Variants in NVL observed in about 807,000 individuals in gnomAD.
NVL encodes the protein nuclear valosin-containing protein-like.
A neutral mutation model predicts 110.2 loss-of-function variants in NVL; 84 were observed. The ratio of observed to expected loss-of-function variants is 0.76; its 90% CI spans 0.64 to 0.91. The LOEUF (loss-of-function observed/expected upper bound fraction) is 0.91. Ranked by LOEUF, NVL falls within the 40% of genes least tolerant of loss-of-function variation. The probability of loss-of-function intolerance (pLI) is 0.00; values close to 1 mark genes in which losing one functional copy is unlikely to be tolerated. For missense variants in NVL, 882 were observed against 1,035.9 expected (o/e 0.85, Z 2.04); for synonymous variants, 354 against 361.1 (o/e 0.98, Z 0.22).
intron 18 of NVL, among the ~76,000 whole-genome samples, chr1:224,253,192 G>A (rs1225030090): frequency 6.6e-6 from 1 of 151,514 alleles, no homozygotes; most frequent in African/African-American, 2.4e-5. Context: ...TTACAAGTGT[G>A]CCCCCCTGCC....
chr1:224,312,819 T>TA (rs35580031), intron 4 of NVL: 1,029 of 65,050 alleles, frequency 0.016, 8 homozygotes, highest in African/African-American at 0.041. Context: ...AGACTCTGCC[T>TA]AAAAAAAAAA....
At chr1:224,299,487 T>C (rs1040303503) in intron 10 of NVL, among the ~76,000 whole-genome samples, 4 of 152,168 alleles carry the variant, frequency 2.6e-5, no homozygotes, top group African/African-American at 7.2e-5. Context: ...AGGCCACATA[T>C]TTACTGAGCA....
At chr1:224,304,632 C>A in intron 8 of NVL, 104 bp downstream of exon 8, 2 of 982,330 alleles carry the variant, frequency 2.0e-6, no homozygotes, top group South Asian at 1.5e-5. Flanking sequence ...TTCCCAGTTT[C>A]CTTTTCTACA....
chr1:224,330,131 G>C lies in NVL; in HGVS notation c.-4C>G, dbSNP rs1345428705. 8 of 1,613,936 alleles carry C rather than the reference G, an allele frequency of 5.0e-6. No individual in the cohort carries two copies. The highest frequency in any genetic ancestry group is 6.8e-6 in the Non-Finnish European group (8 of 1,179,876). On this transcript the variant is annotated 5_prime_UTR_variant, in exon 1 of 23. Coordinates refer to ENST00000281701, the MANE Select transcript of NVL (RefSeq NM_002533.4). The stretch of plus-strand genomic sequence containing the variant: ...ACCCTGCAGGTCTGGGCTTCATCGC[G>C]TCGGTCTTCCAAGCCACAGCTCGGA...
intron 5 of NVL, among the ~76,000 whole-genome samples, chr1:224,309,831 C>A (rs992111179): frequency 1.3e-5 from 2 of 152,288 alleles, no homozygotes; most frequent in East Asian, 1.9e-4. Context: ...GAGTTCAAGA[C>A]CAGCCTGGCC....
chr1:224,303,898 C>A, intron 8 of NVL, 41 bp from the exon 9 acceptor site: 1 of 1,559,974 alleles, frequency 6.4e-7, no homozygotes, highest in Non-Finnish European at 8.7e-7. Context: ...CAAGACAGAA[C>A]AATCAAAGTA....
chr1:224,306,023 T>C (rs904361104), intron 6 of NVL, among the ~76,000 whole-genome samples: 8 of 152,216 alleles, frequency 5.3e-5, no homozygotes, highest in African/African-American at 9.6e-5. Flanking sequence ...GAGTCTTCTA[T>C]ATAGTTGTCT....
chr1:224,256,587 C>T (rs942582850), intron 18 of NVL, among the ~76,000 whole-genome samples: 1 of 152,082 alleles, frequency 6.6e-6, no homozygotes, highest in Non-Finnish European at 1.5e-5. Flanking sequence ...AAATATCACA[C>T]TTAATATTAT....
intron 1 of NVL, among the ~76,000 whole-genome samples, chr1:224,328,681 A>C (rs1008613334): frequency 6.6e-6 from 1 of 152,186 alleles, no homozygotes; most frequent in Non-Finnish European, 1.5e-5. Flanking sequence ...GATGGTATAC[A>C]GGAAATGAAA....
intron 19 of NVL, among the ~76,000 whole-genome samples, chr1:224,247,060 A>T (rs545513821): frequency 1.3e-5 from 2 of 151,748 alleles, no homozygotes; most frequent in South Asian, 4.2e-4. Context: ...TGTGTCAAAA[A>T]AAAAAAAAAA....
At chr1:224,276,412 T>A (rs1487890755) in intron 16 of NVL, among the ~76,000 whole-genome samples, 2 of 152,124 alleles carry the variant, frequency 1.3e-5, no homozygotes, top group Non-Finnish European at 2.9e-5. Flanking sequence ...CTAATTTTTG[T>A]ATTTTTAGTA....
At chr1:224,246,445 T>C (rs1661831562) in intron 19 of NVL, among the ~76,000 whole-genome samples, 1 of 152,216 alleles carries the variant, frequency 6.6e-6, no homozygotes, top group African/African-American at 2.4e-5. Context: ...GTACCATACA[T>C]TGAATGAAAC....
At chr1:224,321,298 G>T (rs149360997) in intron 2 of NVL, among the ~76,000 whole-genome samples, 1 of 152,036 alleles carries the variant, frequency 6.6e-6, no homozygotes, top group African/African-American at 2.4e-5. Flanking sequence ...AAAGAAAGAC[G>T]TAAAAGCGAT....
intron 19 of NVL, among the ~76,000 whole-genome samples, chr1:224,239,302 A>T (rs1043629373): frequency 9.2e-5 from 14 of 152,100 alleles, no homozygotes; most frequent in Admixed American, 5.9e-4. Context: ...TTATTATTTA[A>T]TTTTTTAAAG....
At chr1:224,312,522 G>A (rs1669621911) in intron 4 of NVL, 1 of 152,116 alleles carries the variant, frequency 6.6e-6, no homozygotes, top group Non-Finnish European at 1.5e-5. Context: ...ATACTTCTTT[G>A]GAAATTATTT....
At chr1:224,326,666 A>C (rs1323689154) in intron 1 of NVL, among the ~76,000 whole-genome samples, 1 of 152,196 alleles carries the variant, frequency 6.6e-6, no homozygotes, top group African/African-American at 2.4e-5. Flanking sequence ...AATCACTATA[A>C]TACAATACTA....
At chr1:224,266,624 A>G (rs1558277858) in intron 18 of NVL, among the ~76,000 whole-genome samples, 1 of 152,214 alleles carries the variant, frequency 6.6e-6, no homozygotes, top group Admixed American at 6.5e-5. Context: ...GTTACAGCAA[A>G]ACAAAACAGA....
chr1:224,255,424 C>T (rs1663104041), intron 18 of NVL, among the ~76,000 whole-genome samples: 1 of 151,254 alleles, frequency 6.6e-6, no homozygotes, highest in African/African-American at 2.4e-5. Context: ...GATCTCCTGA[C>T]CTTGTGATCC....
intron 11 of NVL, 123 bp downstream of exon 11, chr1:224,296,378 T>G: frequency 1.8e-6 from 1 of 548,044 alleles, no homozygotes. Flanking sequence ...CTGTGCCCAG[T>G]ATGACTTTTT....
Sources: allele counts gnomAD v4.1 joint callset (sites outside exome capture counted in the v4.1 genomes callset), GRCh38; gene constraint gnomAD v4.1.1; transcripts MANE v1.5; gene names NCBI Gene and HGNC (gene_info 2026-07-23, HGNC 2026-07-21).